ELAVL2: variants seen among roughly 807,000 people sequenced by gnomAD.
ELAVL2 encodes ELAV like RNA binding protein 2.
ELAVL2 carries 4 observed loss-of-function variants against 34.6 expected under a neutral mutation model. The observed-to-expected ratio is 0.12, with a 90% CI of 0.06 to 0.26. ELAVL2 has a LOEUF of 0.26. Among genes scored for constraint, ELAVL2 ranks in the 10% least tolerant of loss-of-function variants. The probability of loss-of-function intolerance (pLI) is 1.00; values close to 1 mark genes in which losing one functional copy is unlikely to be tolerated. For synonymous variants in ELAVL2, 193 were observed against 154.8 expected (o/e 1.25, Z -1.83); for missense variants, 432 against 442.8 (o/e 0.98, Z 0.22).
intron 1 of ELAVL2, among the ~76,000 whole-genome samples, chr9:23,791,619 T>TGG (rs1196847764): frequency 2.0e-5 from 3 of 150,034 alleles, no homozygotes; most frequent in Admixed American, 1.3e-4. Context: ...GTCACAAGTA[T>TGG]GGGGCCCTAA....
At chr9:23,709,574 T>G (rs781200472) in intron 3 of ELAVL2, among the ~76,000 whole-genome samples, 3 of 152,188 alleles carry the variant, frequency 2.0e-5, no homozygotes, top group Non-Finnish European at 2.9e-5. Context: ...TAAACTCCCT[T>G]GAAGGCCCAA....
intron 2 of ELAVL2, among the ~76,000 whole-genome samples, chr9:23,758,581 T>C (rs1409425841): frequency 6.6e-6 from 1 of 152,084 alleles, no homozygotes; most frequent in African/African-American, 2.4e-5. Context: ...CTTTTAGGAA[T>C]CATGCTCATA....
chr9:23,749,008 G>T (rs1287187953), intron 2 of ELAVL2, among the ~76,000 whole-genome samples: 1 of 152,058 alleles, frequency 6.6e-6, no homozygotes, highest in South Asian at 2.1e-4. Flanking sequence ...ACTGTTTGAT[G>T]GTTACAGAGT....
intron 1 of ELAVL2, among the ~76,000 whole-genome samples, chr9:23,799,261 A>G (rs2061316908): frequency 6.6e-6 from 1 of 152,212 alleles, no homozygotes; most frequent in Non-Finnish European, 1.5e-5. Flanking sequence ...AGTCAGGAGT[A>G]GCACCAAACC....
chr9:23,707,721 T>C (rs2039780112), intron 3 of ELAVL2, among the ~76,000 whole-genome samples: 1 of 152,242 alleles, frequency 6.6e-6, no homozygotes, highest in Non-Finnish European at 1.5e-5. Context: ...CTACCTTCTT[T>C]ATATGGCTAT....
chr9:23,731,171 T>C (rs1475730109), intron 2 of ELAVL2, 46 bp from the exon 3 acceptor site: 1 of 1,525,656 alleles, frequency 6.6e-7, no homozygotes, highest in Admixed American at 2.0e-5. Flanking sequence ...TTCTATACTG[T>C]TGACAGAGAT....
intron 1 of ELAVL2, among the ~76,000 whole-genome samples, chr9:23,796,050 T>C (rs2060884873): frequency 6.6e-6 from 1 of 152,260 alleles, no homozygotes; most frequent in African/African-American, 2.4e-5. Flanking sequence ...GGACCTTCAA[T>C]TGTTTCTTAA....
chr9:23,755,436 G>A (rs1234941648), intron 2 of ELAVL2, among the ~76,000 whole-genome samples: 1 of 152,090 alleles, frequency 6.6e-6, no homozygotes, highest in African/African-American at 2.4e-5. Context: ...AGCTTCTACA[G>A]TGATAACACC....
chr9:23,715,305 C>T (rs1011064901), intron 3 of ELAVL2, among the ~76,000 whole-genome samples: 3 of 152,292 alleles, frequency 2.0e-5, no homozygotes, highest in East Asian at 1.9e-4. Context: ...CCCGCCACCA[C>T]GCCCGGCTAA....
chr9:23,805,721 A>T (rs1410360734), intron 1 of ELAVL2, among the ~76,000 whole-genome samples: 1 of 152,192 alleles, frequency 6.6e-6, no homozygotes, highest in Non-Finnish European at 1.5e-5. Context: ...CTCAGTGTAG[A>T]GCAGAAAACA....
chr9:23,708,153 T>C (rs536277088), intron 3 of ELAVL2, among the ~76,000 whole-genome samples: 1 of 152,166 alleles, frequency 6.6e-6, no homozygotes, highest in Non-Finnish European at 1.5e-5. Flanking sequence ...TATCTTTCAG[T>C]GACATTGTCA....
At chr9:23,765,124 CGTAT>C in intron 1 of ELAVL2, 1 of 1,574,220 alleles carries the variant, frequency 6.4e-7, no homozygotes, top group Non-Finnish European at 8.6e-7. Context: ...CAAAAAGTAC[CGTAT>C]GTTAGATGAG....
chr9:23,848,277 G>C, the ELAVL2 span, among the ~76,000 whole-genome samples: 2 of 152,124 alleles, frequency 1.3e-5, no homozygotes, highest in Non-Finnish European at 2.9e-5. Flanking sequence ...ATGGATATTA[G>C]TGGGTAGAAG....
intron 2 of ELAVL2, among the ~76,000 whole-genome samples, chr9:23,761,498 G>T (rs1219553199): frequency 6.6e-6 from 1 of 151,964 alleles, no homozygotes; most frequent in Non-Finnish European, 1.5e-5. Flanking sequence ...TTAAGGAACG[G>T]AACATAAGAT....
intron 1 of ELAVL2, among the ~76,000 whole-genome samples, chr9:23,814,044 G>C (rs2063380924): frequency 6.6e-6 from 1 of 152,100 alleles, no homozygotes. Flanking sequence ...AAGTTTTCAA[G>C]AAGCAATACA....
chr9:23,791,289 G>A (rs1360676609), intron 1 of ELAVL2, among the ~76,000 whole-genome samples: 1 of 152,210 alleles, frequency 6.6e-6, no homozygotes. Context: ...AGATGAGAAA[G>A]CATTTCCCTT....
intron 1 of ELAVL2, among the ~76,000 whole-genome samples, chr9:23,790,362 C>T (rs956781690): frequency 3.1e-4 from 47 of 152,290 alleles, no homozygotes; most frequent in African/African-American, 9.6e-4. Context: ...CACCCCAATA[C>T]CCGCTTTCCC....
At chr9:23,711,945 T>C (rs998121814) in intron 3 of ELAVL2, among the ~76,000 whole-genome samples, 2 of 152,156 alleles carry the variant, frequency 1.3e-5, no homozygotes, top group African/African-American at 2.4e-5. Flanking sequence ...ATTATACGCA[T>C]TGGTACTTTG....
At chr9:23,820,880 C>A (rs1414127430) in intron 1 of ELAVL2, among the ~76,000 whole-genome samples, 1 of 152,202 alleles carries the variant, frequency 6.6e-6, no homozygotes, top group African/African-American at 2.4e-5. Context: ...GCCTCGCGCG[C>A]AAACCCGAGA....
Sources: gnomAD v4.1 joint callset for allele counts (sites outside exome capture counted in the v4.1 genomes callset) on GRCh38, gnomAD v4.1.1 for gene constraint, MANE v1.5 for transcripts, NCBI Gene and HGNC (gene_info 2026-07-23, HGNC 2026-07-21) for gene names.